Variants in ZHX2 observed in about 807,000 individuals in gnomAD.
ZHX2 encodes zinc fingers and homeoboxes protein 2.
ZHX2 carries 6 observed loss-of-function variants against 21.9 expected under a neutral mutation model. The ratio of observed to expected loss-of-function variants is 0.27; its 90% confidence interval spans 0.15 to 0.54. ZHX2 has a LOEUF of 0.54. ZHX2 is among the 20% of genes least tolerant of loss of function. ZHX2 has a pLI of 0.95. For synonymous variants in ZHX2, 434 were observed against 437.1 expected (o/e 0.99, Z 0.09); for missense variants, 908 against 1,090.7 (o/e 0.83, Z 2.36).
In ZHX2 at chr8:122,952,206, G is replaced by A; in HGVS notation, c.696G>A (p.Val232=). 6.2e-7 allele frequency: 1 copy of A among 1,613,348 alleles called. No individual in the cohort carries two copies. Among genetic ancestry groups the A allele is most frequent in the Non-Finnish European group, 8.5e-7 (1 of 1,179,918 alleles). ...TAEILSRLGG[V]ELLQDTLGHV... Reference sequence around the variant, plus strand: ...AGATCCTCTCGAGACTCGGCGGGGTGGAGCTCCTCCAAGACACATTAGGAC... The same window carrying A: ...AGATCCTCTCGAGACTCGGCGGGGTAGAGCTCCTCCAAGACACATTAGGAC... The change falls in exon 3 of 4, where the codon GTG becomes GTA. Residue 232 remains valine (V), a synonymous_variant. Transcript: ENST00000314393. The surrounding 1 kb of genome is among the most constrained non-coding windows in gnomAD (Gnocchi z 6.9).
At chr8:122,784,877 T>C (rs1817362296) in intron 1 of ZHX2, among the ~76,000 whole-genome samples, 1 of 152,328 alleles carries the variant, frequency 6.6e-6, no homozygotes, top group East Asian at 1.9e-4. Flanking sequence ...ACACACACTC[T>C]GCTGTTGCAA....
At chr8:122,940,687 C>G (rs1015538231) in intron 2 of ZHX2, among the ~76,000 whole-genome samples, 2 of 152,192 alleles carry the variant, frequency 1.3e-5, no homozygotes, top group Non-Finnish European at 2.9e-5. Flanking sequence ...AATCTTCCTC[C>G]TTTGAACACT....
chr8:122,951,858 C>G lies in ZHX2; in HGVS notation c.348C>G (p.Asn116Lys), dbSNP rs761541595. The G allele has an allele frequency of 4.3e-6, 7 of 1,614,012 alleles. No individual in the cohort carries two copies. Among genetic ancestry groups the G allele is most frequent in the Non-Finnish European group, 5.1e-6 (6 of 1,180,022 alleles). Residue 116 changes from asparagine (N) to lysine (K), a missense_variant, in exon 3 of 4, where the codon AAC becomes AAG. Coordinates refer to ENST00000314393, the MANE Select transcript of ZHX2 (RefSeq NM_014943.5). The part of the protein sequence containing the change: ...LNPLYVCAEC[N>K]FTTKKYDSLS... The stretch of plus-strand genomic sequence containing the variant: ...CCCTCTACGTGTGTGCAGAATGTAA[C>G]TTCACAACCAAAAAGTACGACTCCC...
intron 2 of ZHX2, among the ~76,000 whole-genome samples, chr8:122,896,986 T>C (rs981619639): frequency 3.9e-5 from 6 of 152,232 alleles, no homozygotes; most frequent in Admixed American, 3.9e-4. Context: ...CTATTAATAC[T>C]TAAGGTTATG....
chr8:122,909,438 GA>G (rs111855596), intron 2 of ZHX2, among the ~76,000 whole-genome samples: 5,121 of 125,550 alleles, frequency 0.041, 188 homozygotes, highest in African/African-American at 0.11. Context: ...GTCTCAAAAA[GA>G]AAAAAAAAAA....
chr8:122,849,209 G>T (rs541250338), intron 1 of ZHX2, among the ~76,000 whole-genome samples: 1 of 152,302 alleles, frequency 6.6e-6, no homozygotes, highest in South Asian at 2.1e-4. Context: ...TCTGTTCCTT[G>T]TGGCTCTGAG....
At chr8:122,865,131 C>CT (rs1180936073) in intron 2 of ZHX2, among the ~76,000 whole-genome samples, 200 of 141,736 alleles carry the variant, frequency 1.4e-3, no homozygotes, top group Middle Eastern at 3.7e-3. Flanking sequence ...CTTGGCAAGT[C>CT]TTTTTTTTTT....
intron 3 of ZHX2, among the ~76,000 whole-genome samples, chr8:122,968,649 G>A (rs1303030477): frequency 6.6e-6 from 1 of 152,052 alleles, no homozygotes; most frequent in African/African-American, 2.4e-5. Context: ...GACCAGCCTG[G>A]CCAACATGGT....
intron 1 of ZHX2, among the ~76,000 whole-genome samples, chr8:122,793,820 AC>A (rs1817568516): frequency 6.6e-6 from 1 of 152,140 alleles, no homozygotes; most frequent in African/African-American, 2.4e-5. Context: ...TCTGGGAAAG[AC>A]TGCTTGCTGG....
chr8:122,951,585 G>A lies in ZHX2; in HGVS notation c.75G>A (p.Glu25=), dbSNP rs1204827485. 3 of 1,613,944 alleles carry A rather than the reference G, an allele frequency of 1.9e-6. No homozygotes were observed. Among genetic ancestry groups the A allele is most frequent in the Middle Eastern group, 1.6e-4 (1 of 6,062 alleles). ...TSQVVEQDVP[E]EVDRAKEKGI... ...AAGTAGTAGAACAAGATGTGCCCGA[G>A]GAAGTAGACAGGGCCAAAGAGAAAG... is the stretch of plus-strand genomic sequence containing the variant. The change falls in exon 3 of 4, where the codon GAG becomes GAA. Residue 25 remains glutamate, a synonymous_variant. Transcript: ENST00000314393.
intron 1 of ZHX2, among the ~76,000 whole-genome samples, chr8:122,856,697 G>A (rs1347821258): frequency 6.6e-6 from 1 of 152,112 alleles, no homozygotes. Flanking sequence ...CTGGGAGAAT[G>A]TTTCCCTCAA....
At chr8:122,925,555 G>C (rs1465750300) in intron 2 of ZHX2, among the ~76,000 whole-genome samples, 1 of 152,132 alleles carries the variant, frequency 6.6e-6, no homozygotes, top group Non-Finnish European at 1.5e-5. Context: ...TCTGACAGAG[G>C]GAATCCAGAC....
chr8:122,910,391 T>C (rs1047620229), intron 2 of ZHX2, among the ~76,000 whole-genome samples: 9 of 151,910 alleles, frequency 5.9e-5, no homozygotes, highest in Non-Finnish European at 2.9e-5. Flanking sequence ...CTGATGGAGG[T>C]TTGCATTTTT....
intron 2 of ZHX2, among the ~76,000 whole-genome samples, chr8:122,917,650 G>C (rs541954056): frequency 6.6e-6 from 1 of 152,224 alleles, no homozygotes; most frequent in Admixed American, 6.5e-5. Flanking sequence ...CTGCATTTCT[G>C]TCTGATGACT....
At chr8:122,830,787 G>A (rs556387519) in intron 1 of ZHX2, among the ~76,000 whole-genome samples, 1 of 152,274 alleles carries the variant, frequency 6.6e-6, no homozygotes, top group African/African-American at 2.4e-5. Flanking sequence ...GAGGCCCTAA[G>A]ACAAAAGTTT....
intron 1 of ZHX2, among the ~76,000 whole-genome samples, chr8:122,858,634 CTTTCTTTTTTT>C (rs1819089897): frequency 8.1e-6 from 1 of 124,054 alleles, no homozygotes; most frequent in Non-Finnish European, 1.7e-5. Flanking sequence ...TTTTTTCTTT[CTTTCTTTTTTT>C]TTTTTTTTTT....
intron 1 of ZHX2, among the ~76,000 whole-genome samples, chr8:122,794,883 C>A (rs945453405): frequency 6.6e-6 from 1 of 152,136 alleles, no homozygotes; most frequent in African/African-American, 2.4e-5. Context: ...CTACTTTTTT[C>A]TACTCTGGAG....
intron 2 of ZHX2, among the ~76,000 whole-genome samples, chr8:122,882,463 C>T (rs1278129916): frequency 6.6e-6 from 1 of 152,080 alleles, no homozygotes; most frequent in Admixed American, 6.6e-5. Flanking sequence ...CTTCCTCTCT[C>T]TAAAGAATCA....
chr8:122,897,761 C>G (rs1820134701), intron 2 of ZHX2, among the ~76,000 whole-genome samples: 1 of 151,970 alleles, frequency 6.6e-6, no homozygotes, highest in South Asian at 2.1e-4. Context: ...TTGCCTCTTG[C>G]CTCATGCCCA....
Sources: allele counts gnomAD v4.1 joint callset (sites outside exome capture counted in the v4.1 genomes callset), GRCh38; gene constraint gnomAD v4.1.1; non-coding constraint Gnocchi (gnomAD v3.1); transcripts MANE v1.5; gene names NCBI Gene and HGNC (gene_info 2026-07-23, HGNC 2026-07-21).